WDR4: variants seen among roughly 807,000 people sequenced by gnomAD.
WDR4 encodes the protein WDR4 tRNA N7-guanosine methyltransferase non-catalytic subunit.
A neutral mutation model predicts 48.6 loss-of-function variants in WDR4; 47 were observed. The observed-to-expected ratio is 0.97, with a 90% CI of 0.77 to 1.23. The LOEUF (loss-of-function observed/expected upper bound fraction) is 1.23. WDR4 is among the 50% of genes most tolerant of loss of function. The pLI, the probability that WDR4 is intolerant of heterozygous loss-of-function variation, is 0.00. For missense variants in WDR4, 606 were observed against 551.6 expected, an observed-to-expected ratio of 1.10 and a Z score of -0.99; for synonymous variants, 268 against 230.0, an observed-to-expected ratio of 1.17 and a Z score of -1.49.
chr21:42,884,819 C>A, the WDR4 span, among the ~76,000 whole-genome samples: 3 of 152,074 alleles, frequency 2.0e-5, no homozygotes, highest in African/African-American at 7.2e-5. Context: ...CTGTGTCCCC[C>A]AGTCTGAAGT....
At chr21:42,858,507 A>G (rs1235871555) in intron 6 of WDR4, among the ~76,000 whole-genome samples, 1 of 152,218 alleles carries the variant, frequency 6.6e-6, no homozygotes, top group Non-Finnish European at 1.5e-5. Context: ...AAGGAGATTA[A>G]AGGTATTTCC....
rs1309141595 is a variant in WDR4 at position 42,873,588 on chromosome 21, G to C, written c.259C>G (p.Leu87Val). 1.2e-6 allele frequency: 2 copies of C among 1,614,172 alleles called. No individual in the cohort carries two copies. The highest frequency in any genetic ancestry group is 1.7e-6 in the Non-Finnish European group (2 of 1,180,040). The change falls in exon 3 of 11, where the codon CTT becomes GTT. Residue 87 changes from leucine (L) to valine (V), a missense_variant. Transcript: ENST00000398208. ...ALTDDSKRLI[L>V]FRTKPWQCLS... ...CATTGCCATGGTTTTGTACGGAAAA[G>C]AATCAGACGCTTACTGTCATCGGTT...
chr21:42,871,562 G>A (rs901509976), intron 3 of WDR4, among the ~76,000 whole-genome samples: 3 of 152,210 alleles, frequency 2.0e-5, no homozygotes, highest in Non-Finnish European at 2.9e-5. Flanking sequence ...AGAGGATGCC[G>A]TTCACAGGCC....
chr21:42,877,783 G>A (rs1330637011), intron 1 of WDR4, among the ~76,000 whole-genome samples: 1 of 152,054 alleles, frequency 6.6e-6, no homozygotes, highest in Non-Finnish European at 1.5e-5. Flanking sequence ...GGTGGTTCAC[G>A]CCTGTAATCC....
rs372260209 is a variant in WDR4, at chr21:42,873,582, G to A, written c.265C>T (p.Arg89Cys). 1.6e-5 allele frequency: 26 copies of A among 1,614,034 alleles called. No homozygotes were observed. The East Asian group carries it at 2.2e-4, about 14-fold the overall frequency. Reference sequence around the variant, plus strand: ...CTCAGACATTGCCATGGTTTTGTACGGAAAAGAATCAGACGCTTACTGTCA... The same window carrying A: ...CTCAGACATTGCCATGGTTTTGTACAGAAAAGAATCAGACGCTTACTGTCA... ...TDDSKRLILF[R>C]TKPWQCLSVR... Residue 89 changes from arginine to cysteine, a missense_variant, in exon 3 of 11, where the codon CGT (arginine) becomes TGT (cysteine). Physicochemically the swap from Arg to Cys is radical, Grantham distance 180. Transcript: ENST00000398208.
chr21:42,854,715 C>A, intron 7 of WDR4, 89 bp from the exon 8 acceptor site: 4 of 1,218,134 alleles, frequency 3.3e-6, no homozygotes, highest in Non-Finnish European at 3.5e-6. Flanking sequence ...GACCGAAGGA[C>A]GCTCACGCCC....
intron 1 of WDR4, chr21:42,879,136 C>G (rs541122779): frequency 2.4e-6 from 3 of 1,235,646 alleles, no homozygotes; most frequent in Non-Finnish European, 3.0e-6. Context: ...GCGGCGCTAA[C>G]CGGGCAAGAA....
chr21:42,852,279 G>C lies in WDR4; in HGVS notation c.1021C>G (p.Arg341Gly). Residue 341 changes from arginine (R) to glycine (G), a missense_variant, in exon 10 of 11, where the codon CGT becomes GGT. Physicochemically the swap from Arg to Gly is moderately radical, Grantham distance 125. Coordinates refer to ENST00000398208, the MANE Select transcript of WDR4 (RefSeq NM_018669.6). ...CCTTCCAGCATGGCCCAGTTCCCAC[G>C]AAGAACACCAGAGACTTTCTTTAAC... ...TVLKKVSGVL[R>G]GNWAMLEGSA... The C allele has an allele frequency of 6.2e-7, 1 of 1,614,154 alleles. No homozygotes were observed. The highest frequency in any genetic ancestry group is 1.7e-4 in the Middle Eastern group (1 of 6,054).
At chr21:42,882,436 A>G (rs554225139), upstream of WDR4, among the ~76,000 whole-genome samples, 2 of 149,472 alleles carry the variant, frequency 1.3e-5, no homozygotes, top group East Asian at 4.2e-4. Flanking sequence ...GGTGGCATGC[A>G]CCTGTAATCC....
rs2058072838 is a variant in WDR4, at chr21:42,859,710, A to AC, written c.578dup (p.Ile194TyrfsTer136). On this transcript the variant is annotated frameshift_variant, in exon 6 of 11. Transcript: ENST00000398208. LOFTEE classifies it high-confidence loss of function. ...CGGGCTGAGTTGGCACCACGGAGATACGGCTCACAAACCTGTGAGGGCGAG... is the reference window on the plus strand; with the variant it reads ...CGGGCTGAGTTGGCACCACGGAGATACCGGCTCACAAACCTGTGAGGGCGAG... 2 of 1,561,436 alleles carry AC rather than the reference A, an allele frequency of 1.3e-6. No individual in the cohort carries two copies. The highest frequency in any genetic ancestry group is 8.7e-7 in the Non-Finnish European group (1 of 1,152,810).
intron 3 of WDR4, among the ~76,000 whole-genome samples, chr21:42,872,710 G>T (rs181451868): frequency 6.6e-6 from 1 of 152,008 alleles, no homozygotes; most frequent in Non-Finnish European, 1.5e-5. Flanking sequence ...CGAGGCCAGC[G>T]GATCACCTGA....
chr21:42,879,603 C>A (rs970688267), upstream of WDR4: 13 of 1,369,938 alleles, frequency 9.5e-6, no homozygotes, highest in Non-Finnish European at 1.3e-5. Flanking sequence ...GTATACCCCA[C>A]GTACCGCGCA....
At chr21:42,882,799 CT>C (rs1196770583), upstream of WDR4, among the ~76,000 whole-genome samples, 5 of 151,986 alleles carry the variant, frequency 3.3e-5, no homozygotes, top group African/African-American at 9.7e-5. Context: ...CCCATCTCTA[CT>C]AAAAATACAA....
At chr21:42,879,230 C>A in intron 1 of WDR4, 177 bp downstream of exon 1, 1 of 1,334,410 alleles carries the variant, frequency 7.5e-7, no homozygotes, top group Non-Finnish European at 9.6e-7. Context: ...GCGGACCCTC[C>A]AGGCGCAGAG....
Position 42,850,007 on chromosome 21 carries a change from C to G in WDR4, c.*42G>C. On this transcript the variant is annotated 3_prime_UTR_variant, in exon 11 of 11. Transcript: ENST00000398208. ...GGATGCAGGGGAACAAGTTAAAAAG[C>G]TTTTCCTAATTTGAGGTGAGAGACA... 1 of 1,602,676 alleles carries G rather than the reference C, an allele frequency of 6.2e-7. No individual in the cohort carries two copies. Among genetic ancestry groups the G allele is most frequent in the Non-Finnish European group, 8.5e-7 (1 of 1,177,098 alleles).
chr21:42,879,182 C>T (rs2146121243), intron 1 of WDR4: 1 of 1,336,852 alleles, frequency 7.5e-7, no homozygotes. Context: ...AGGAGCGCGC[C>T]GGAGCCGGGG....
intron 5 of WDR4, among the ~76,000 whole-genome samples, chr21:42,860,460 A>G (rs1380913931): frequency 1.3e-5 from 2 of 152,236 alleles, no homozygotes; most frequent in African/African-American, 4.8e-5. Context: ...TCCCACTCTA[A>G]CACAGTGGCC....
intron 4 of WDR4, 116 bp downstream of exon 4, chr21:42,863,324 G>T: frequency 7.7e-7 from 1 of 1,300,666 alleles, no homozygotes; most frequent in Non-Finnish European, 1.1e-6. Flanking sequence ...AGCATGGACA[G>T]GTGCCTGAGC....
In WDR4 at chr21:42,863,559, C is replaced by T. The variant is rs764306533; in HGVS notation, c.334G>A (p.Ala112Thr). 1.2e-6 allele frequency: 2 copies of T among 1,613,964 alleles called. No individual in the cohort carries two copies. Among genetic ancestry groups the T allele is most frequent in the Non-Finnish European group, 1.7e-6 (2 of 1,179,996 alleles). The change falls in exon 4 of 11, where the codon GCC (alanine) becomes ACC (threonine). Residue 112 changes from alanine (A) to threonine (T), a missense_variant. By Grantham distance (58) the Ala-to-Thr change is moderately conservative. Transcript: ENST00000398208. ...GCCACCAAGACCTTCTCCTCCGAGG[C>T]TATGAAAGTCAGGGCTGTACACCTC... Reference protein sequence around the residue: ...ARRCTALTFIASEEKVLVADK... With the variant: ...ARRCTALTFITSEEKVLVADK...
Sources: gnomAD v4.1 joint callset for allele counts (sites outside exome capture counted in the v4.1 genomes callset) on GRCh38, gnomAD v4.1.1 for gene constraint, MANE v1.5 for transcripts, NCBI Gene and HGNC (gene_info 2026-07-23, HGNC 2026-07-21) for gene names.